The following PPP1R42 variants were observed in gnomAD, a reference collection of about 807,000 sequenced individuals.
PPP1R42 encodes the protein protein phosphatase 1 regulatory subunit 42.
In PPP1R42, 34 loss-of-function variants were observed where a neutral mutation model predicts 31.0. That is an observed-to-expected ratio of 1.10 (90% CI 0.83 to 1.46). PPP1R42 has a LOEUF of 1.46. Among genes scored for constraint, PPP1R42 ranks in the 40% most tolerant of loss-of-function variants. PPP1R42 has a pLI of 0.00. For synonymous variants in PPP1R42, 103 were observed against 109.8 expected, an observed-to-expected ratio of 0.94 and a Z score of 0.39; for missense variants, 268 against 303.0, an observed-to-expected ratio of 0.88 and a Z score of 0.86.
chr8:66,973,598 G>A (rs1399025188), intron 7 of PPP1R42, among the ~76,000 whole-genome samples: 8 of 151,964 alleles, frequency 5.3e-5, no homozygotes, highest in Admixed American at 3.9e-4. Flanking sequence ...GAACCACCGC[G>A]CCCAGCCAAA....
chr8:67,010,921 T>C, intron 4 of PPP1R42, 90 bp from the exon 5 acceptor site: 1 of 1,263,840 alleles, frequency 7.9e-7, no homozygotes, highest in South Asian at 1.7e-5. Flanking sequence ...AAGTTTAAGC[T>C]TGATCAGTTC....
rs973300449 is a variant in PPP1R42 at position 66,986,010 on chromosome 8, C to T, written c.670+2390G>A. Reference sequence around the variant, plus strand: ...AGACTTGGAATGCCTAGAGCTTCCGCCTTCCTCCTACAGCCTCAGTTTGTC... The same window carrying T: ...AGACTTGGAATGCCTAGAGCTTCCGTCTTCCTCCTACAGCCTCAGTTTGTC... On this transcript the variant is annotated intron_variant, in intron 6 of 7. Transcript: ENST00000685739. 18 of 749,280 alleles carry T rather than the reference C, an allele frequency of 2.4e-5. No individual in the cohort carries two copies. The African/African-American group carries it at 3.1e-4, about 13-fold the overall frequency. The allele number at this position is 749,280 out of a possible 1,614,324, so 46.4% of individuals were successfully genotyped here. A position where few individuals can be genotyped will look rare whatever the true frequency, so the allele number is the denominator to read the frequency against.
chr8:66,969,348 A>G (rs1814475691), intron 7 of PPP1R42, among the ~76,000 whole-genome samples: 1 of 152,244 alleles, frequency 6.6e-6, no homozygotes, highest in Non-Finnish European at 1.5e-5. Context: ...TGTGGAATTG[A>G]TAACAGTTGT....
At chr8:66,974,029 A>T (rs758336037) in intron 7 of PPP1R42, among the ~76,000 whole-genome samples, 1 of 152,194 alleles carries the variant, frequency 6.6e-6, no homozygotes, top group Non-Finnish European at 1.5e-5. Flanking sequence ...ACTATTGTGA[A>T]TAGTGCTGCA....
At chr8:67,005,354 T>C (rs1367134898) in intron 5 of PPP1R42, among the ~76,000 whole-genome samples, 1 of 152,152 alleles carries the variant, frequency 6.6e-6, no homozygotes, top group African/African-American at 2.4e-5. Context: ...CTGATGGAAC[T>C]GATCTCTAAA....
At chr8:66,997,812 A>C (rs1466807188) in intron 5 of PPP1R42, among the ~76,000 whole-genome samples, 1 of 151,904 alleles carries the variant, frequency 6.6e-6, no homozygotes, top group Non-Finnish European at 1.5e-5. Flanking sequence ...TCATCCTCCC[A>C]AAGTACTGGG....
chr8:66,985,299 G>T, intron 6 of PPP1R42: 2 of 853,366 alleles, frequency 2.3e-6, no homozygotes, highest in South Asian at 1.4e-5. Flanking sequence ...GTCAAAAAAG[G>T]TATTGGACTC....
At chr8:67,023,632 C>A (rs1391157732) in intron 1 of PPP1R42, among the ~76,000 whole-genome samples, 1 of 152,070 alleles carries the variant, frequency 6.6e-6, no homozygotes, top group Non-Finnish European at 1.5e-5. Context: ...GAGTAACAGT[C>A]TACTACTTCC....
chr8:66,981,696 T>C (rs1370539429), intron 7 of PPP1R42, among the ~76,000 whole-genome samples: 3 of 152,214 alleles, frequency 2.0e-5, no homozygotes, highest in African/African-American at 4.8e-5. Context: ...GCACTGTTAC[T>C]TAACAAATAT....
At chr8:66,987,816 C>G (rs147358045) in intron 6 of PPP1R42, among the ~76,000 whole-genome samples, 6 of 152,258 alleles carry the variant, frequency 3.9e-5, no homozygotes, top group African/African-American at 1.4e-4. Flanking sequence ...CCATAGCCTT[C>G]GTGAGAGGTC....
chr8:66,986,288 T>C, intron 6 of PPP1R42: 2 of 510,618 alleles, frequency 3.9e-6, no homozygotes, highest in South Asian at 3.2e-5. Context: ...GAGTGGCTAA[T>C]TGTAGTTATC....
chr8:67,001,995 T>C (rs1317525770), intron 5 of PPP1R42, among the ~76,000 whole-genome samples: 2 of 152,192 alleles, frequency 1.3e-5, no homozygotes, highest in Non-Finnish European at 2.9e-5. Context: ...TATTTTTCTT[T>C]ATTTTGCCTT....
chr8:66,989,995 A>C (rs554245758), intron 5 of PPP1R42, among the ~76,000 whole-genome samples: 2 of 152,364 alleles, frequency 1.3e-5, no homozygotes, highest in Admixed American at 1.3e-4. Context: ...AAAACATTTT[A>C]AGTAAGGAAG....
At chr8:66,993,179 T>C (rs1815241271) in intron 5 of PPP1R42, among the ~76,000 whole-genome samples, 3 of 152,188 alleles carry the variant, frequency 2.0e-5, no homozygotes, top group African/African-American at 7.2e-5. Context: ...TTATCCACTT[T>C]ACTTCCTAAA....
chr8:67,018,715 G>T (rs1487166957), intron 1 of PPP1R42, among the ~76,000 whole-genome samples: 1 of 138,394 alleles, frequency 7.2e-6, no homozygotes, highest in African/African-American at 2.7e-5. Context: ...GTTTCACCAT[G>T]TTAGCCAGGC....
At chr8:66,994,075 C>A (rs538304165) in intron 5 of PPP1R42, among the ~76,000 whole-genome samples, 1 of 152,100 alleles carries the variant, frequency 6.6e-6, no homozygotes, top group Non-Finnish European at 1.5e-5. Context: ...TGCCCTGGAC[C>A]AGTTTTGGAT....
chr8:67,016,837 T>C (rs1816030659), intron 2 of PPP1R42, among the ~76,000 whole-genome samples: 1 of 152,172 alleles, frequency 6.6e-6, no homozygotes, highest in Non-Finnish European at 1.5e-5. Context: ...CAATATGTAG[T>C]CTTTTATCCC....
At chr8:67,015,305 C>T (rs1202069250) in intron 2 of PPP1R42, among the ~76,000 whole-genome samples, 1 of 152,158 alleles carries the variant, frequency 6.6e-6, no homozygotes, top group Non-Finnish European at 1.5e-5. Flanking sequence ...GTGTGAGCCA[C>T]CGCGCCCAGC....
chr8:67,003,947 G>A (rs761392414), intron 5 of PPP1R42, among the ~76,000 whole-genome samples: 3 of 152,108 alleles, frequency 2.0e-5, no homozygotes, highest in African/African-American at 7.2e-5. Flanking sequence ...AAAATTAGCC[G>A]GGCGTGGTGG....
Sources: gnomAD v4.1 joint callset for allele counts (sites outside exome capture counted in the v4.1 genomes callset) on GRCh38, gnomAD v4.1.1 for gene constraint, MANE v1.5 for transcripts, NCBI Gene and HGNC (gene_info 2026-07-23, HGNC 2026-07-21) for gene names.